Variants in SYNPR observed in about 807,000 individuals in gnomAD.
SYNPR encodes synaptoporin.
In SYNPR, 23 loss-of-function variants were observed where a neutral mutation model predicts 32.9. That is an observed-to-expected ratio of 0.70 (90% CI 0.50 to 0.99). The LOEUF (loss-of-function observed/expected upper bound fraction) is 0.99, where lower values mean the gene tolerates loss of function less well. Among genes scored for constraint, SYNPR ranks in the 50% least tolerant of loss-of-function variants. The pLI is 0.00. For missense variants in SYNPR, 318 were observed against 349.3 expected (o/e 0.91, Z 0.71); for synonymous variants, 146 against 135.9 (o/e 1.07, Z -0.52).
intron 1 of SYNPR, among the ~76,000 whole-genome samples, chr3:63,250,733 A>G (rs2106888982): frequency 6.6e-6 from 1 of 152,334 alleles, no homozygotes; most frequent in African/African-American, 2.4e-5. Flanking sequence ...ACAGTCAGAA[A>G]GTGACAGAGC....
chr3:63,210,939 A>C, the SYNPR span, among the ~76,000 whole-genome samples: 1 of 150,878 alleles, frequency 6.6e-6, no homozygotes, highest in Admixed American at 6.6e-5. Flanking sequence ...ACCTTCACAC[A>C]TCCTTTACTG....
At chr3:63,472,264 A>G (rs1312920482) in intron 2 of SYNPR, among the ~76,000 whole-genome samples, 1 of 152,164 alleles carries the variant, frequency 6.6e-6, no homozygotes, top group East Asian at 1.9e-4. Context: ...AGTTGGGAAG[A>G]AGGAAGACAC....
intron 2 of SYNPR, among the ~76,000 whole-genome samples, chr3:63,464,701 A>G (rs1204713421): frequency 6.6e-6 from 1 of 152,012 alleles, no homozygotes; most frequent in Non-Finnish European, 1.5e-5. Flanking sequence ...TTCTTTTCCC[A>G]CATCTTCCAG....
In SYNPR at chr3:63,535,101, A is replaced by G. The variant is rs536985971; in HGVS notation, c.210-21442A>G. Among the ~76,000 whole-genome samples, 4 of 152,334 alleles carry G rather than the reference A, an allele frequency of 2.6e-5. 1 individual carries two copies. In the South Asian group the frequency reaches 8.3e-4, roughly 32 times the overall value. The stretch of plus-strand genomic sequence containing the variant: ...CTTGCCTATGGTTCCACAGCTGATA[A>G]GTAGCAGAATTAAAGTAAAGAAAAT... On this transcript the variant is annotated intron_variant, in intron 3 of 5. Coordinates refer to ENST00000478300, the MANE Select transcript of SYNPR (RefSeq NM_001130003.2).
chr3:63,434,768 T>C (rs767906563), intron 2 of SYNPR, among the ~76,000 whole-genome samples: 5 of 152,206 alleles, frequency 3.3e-5, no homozygotes, highest in African/African-American at 1.2e-4. Context: ...GATAGAGCTC[T>C]CCCTGTTATA....
At chr3:63,322,207 G>T (rs940656934) in intron 2 of SYNPR, among the ~76,000 whole-genome samples, 1 of 152,022 alleles carries the variant, frequency 6.6e-6, no homozygotes, top group African/African-American at 2.4e-5. Context: ...GTTTTCATTT[G>T]CAACTTTTGT....
chr3:63,514,973 C>A (rs1480052045), intron 3 of SYNPR, among the ~76,000 whole-genome samples: 1 of 152,050 alleles, frequency 6.6e-6, no homozygotes, highest in Non-Finnish European at 1.5e-5. Flanking sequence ...TCCTGAGTGG[C>A]AGGCTCAATG....
At chr3:63,390,245 AT>A (rs1324468319) in intron 2 of SYNPR, among the ~76,000 whole-genome samples, 1 of 152,174 alleles carries the variant, frequency 6.6e-6, no homozygotes, top group Non-Finnish European at 1.5e-5. Context: ...CAGAAATAGA[AT>A]TCTTCAGGGT....
chr3:63,377,325 T>C (rs2087907273), intron 2 of SYNPR, among the ~76,000 whole-genome samples: 1 of 152,082 alleles, frequency 6.6e-6, no homozygotes, highest in Non-Finnish European at 1.5e-5. Context: ...GAGGCTTAAA[T>C]AGATGAAATG....
At chr3:63,344,745 T>C (rs1004757535) in intron 2 of SYNPR, among the ~76,000 whole-genome samples, 1 of 151,598 alleles carries the variant, frequency 6.6e-6, no homozygotes, top group African/African-American at 2.4e-5. Flanking sequence ...GCCGGCCAAG[T>C]GGAAAGAAGG....
intron 5 of SYNPR, among the ~76,000 whole-genome samples, chr3:63,614,100 C>T (rs1215014611): frequency 6.6e-6 from 1 of 152,190 alleles, no homozygotes; most frequent in Non-Finnish European, 1.5e-5. Flanking sequence ...GATATTGACC[C>T]AGCAAAGGAC....
chr3:63,295,158 G>A (rs370950710), intron 2 of SYNPR, among the ~76,000 whole-genome samples: 37 of 152,170 alleles, frequency 2.4e-4, no homozygotes, highest in African/African-American at 8.4e-4. Flanking sequence ...GATTCGCTTA[G>A]CCTCTGCCTC....
Position 63,298,457 on chromosome 3 carries a change from C to G in SYNPR, c.84+19715C>G, listed in dbSNP as rs370556365. On this transcript the variant is annotated intron_variant, in intron 2 of 5. Coordinates refer to ENST00000478300, the MANE Select transcript of SYNPR (RefSeq NM_001130003.2). ...CCAGGAAATAGGAATGAAGAACCAGCGTGATGTAATAGGGAATGAGACAAA... is the reference window on the plus strand; with the variant it reads ...CCAGGAAATAGGAATGAAGAACCAGGGTGATGTAATAGGGAATGAGACAAA... 1.5e-4 allele frequency among the ~76,000 whole-genome samples: 7 copies of G among 46,444 alleles called. No individual in the cohort carries two copies. In the South Asian group the frequency reaches 4.8e-3, roughly 32 times the overall value. The allele number at this position is 46,444 out of a possible 152,430, so 30.5% of individuals were successfully genotyped here.
chr3:63,243,280 C>G (rs958272989), intron 1 of SYNPR, among the ~76,000 whole-genome samples: 1 of 148,054 alleles, frequency 6.8e-6, no homozygotes, highest in African/African-American at 2.5e-5. Flanking sequence ...CATAGTTAAA[C>G]TGCAGAATAT....
At chr3:63,516,315 C>A (rs925503483) in intron 3 of SYNPR, among the ~76,000 whole-genome samples, 59 of 152,212 alleles carry the variant, frequency 3.9e-4, no homozygotes, top group African/African-American at 1.4e-3. Context: ...GTTTGATATA[C>A]TTTGGAAATG....
chr3:63,202,391 A>C, the SYNPR span, among the ~76,000 whole-genome samples: 1 of 152,154 alleles, frequency 6.6e-6, no homozygotes, highest in Admixed American at 6.5e-5. Context: ...TGCTTCAGGG[A>C]AGATCTCTCA....
intron 4 of SYNPR, among the ~76,000 whole-genome samples, chr3:63,599,181 T>A (rs983470845): frequency 2.0e-5 from 3 of 152,162 alleles, no homozygotes; most frequent in African/African-American, 7.2e-5. Context: ...AAAAGTCTTA[T>A]CCCCTGGTGA....
chr3:63,266,265 C>A (rs1418651098), intron 2 of SYNPR, among the ~76,000 whole-genome samples: 3 of 151,662 alleles, frequency 2.0e-5, no homozygotes, highest in Admixed American at 6.6e-5. Context: ...TTTTTTAGCA[C>A]CATTGCCCTG....
chr3:63,508,442 A>T (rs1211774576), intron 3 of SYNPR, among the ~76,000 whole-genome samples: 1 of 152,132 alleles, frequency 6.6e-6, no homozygotes, highest in African/African-American at 2.4e-5. Context: ...ATGTCAGGTG[A>T]CTCAGGTGAT....
Sources: allele counts gnomAD v4.1 joint callset (sites outside exome capture counted in the v4.1 genomes callset), GRCh38; gene constraint gnomAD v4.1.1; transcripts MANE v1.5; gene names NCBI Gene and HGNC (gene_info 2026-07-23, HGNC 2026-07-21).